The following TMEM260 variants were observed in gnomAD, a reference collection of about 807,000 sequenced individuals.
TMEM260 encodes the protein protein O-mannosyl-transferase TMEM260.
In TMEM260, 82 loss-of-function variants were observed where a neutral mutation model predicts 88.9. The ratio of observed to expected loss-of-function variants is 0.92; its 90% CI spans 0.77 to 1.11. The LOEUF is 1.11. Among genes scored for constraint, TMEM260 ranks in the 50% least tolerant of loss-of-function variants. TMEM260 has a pLI of 0.00. For missense variants in TMEM260, 902 were observed against 853.4 expected (o/e 1.06, Z -0.71); for synonymous variants, 314 against 309.3 (o/e 1.02, Z -0.16).
rs938882510 is a variant in TMEM260, at chr14:56,579,852, A to G, written c.-63A>G. ...AGCTGCGCTCGTCTCTCGGCTGGGG[A>G]GCTCCGTGTCGCACCGGGTTCTTGG... On this transcript the variant is annotated 5_prime_UTR_variant, in exon 1 of 16. Transcript: ENST00000261556. 66 of 1,218,246 alleles carry G rather than the reference A, an allele frequency of 5.4e-5. No homozygotes were observed. Among genetic ancestry groups the G allele is most frequent in the South Asian group, 8.3e-5 (2 of 24,038 alleles). The allele number at this position is 1,218,246 out of a possible 1,614,324, so 75.5% of individuals were successfully genotyped here. A position where few individuals can be genotyped will look rare whatever the true frequency, so the allele number is the denominator to read the frequency against.
chr14:56,644,748 A>C (rs1314850410), intron 15 of TMEM260, among the ~76,000 whole-genome samples: 3 of 152,130 alleles, frequency 2.0e-5, no homozygotes, highest in Non-Finnish European at 2.9e-5. Flanking sequence ...TTTGCAACTT[A>C]CTCGACAAAG....
intron 3 of TMEM260, among the ~76,000 whole-genome samples, chr14:56,600,870 C>A (rs1465804943): frequency 1.3e-5 from 2 of 152,156 alleles, no homozygotes; most frequent in Non-Finnish European, 2.9e-5. Context: ...ATTTCCATTA[C>A]TGGTTTCATA....
At chr14:56,615,784 T>G (rs559776165) in intron 7 of TMEM260, 160 bp from the exon 8 acceptor site, 49 of 584,624 alleles carry the variant, frequency 8.4e-5, no homozygotes, top group Admixed American at 2.4e-4. Flanking sequence ...AGTCTTTCTA[T>G]TGCACTTTTT....
rs1352007164 is a variant in TMEM260, at chr14:56,609,113, C to A, written c.644C>A (p.Ser215Tyr). The change falls in exon 6 of 16, where the codon TCC becomes TAC. Residue 215 changes from serine to tyrosine, a missense_variant. Ser to Tyr is a moderately radical substitution (Grantham distance 144). Transcript: ENST00000261556. ...LFQLLKKKEL[S>Y]LGSLLKLSLY... ...CAATGTGCTCTGATGCAGGAACTCT[C>A]CCTGGGCTCTTTGTTGAAGTTGAGC... 1.2e-6 allele frequency: 2 copies of A among 1,613,944 alleles called. No homozygotes were observed. The highest frequency in any genetic ancestry group is 1.3e-5 in the African/African-American group (1 of 74,928).
chr14:56,591,049 T>C (rs1286366210), intron 3 of TMEM260, among the ~76,000 whole-genome samples: 1 of 152,264 alleles, frequency 6.6e-6, no homozygotes, highest in African/African-American at 2.4e-5. Context: ...GCTACTGTGC[T>C]GCATAATTTC....
At chr14:56,650,931 C>A (rs1047442147), downstream of TMEM260, among the ~76,000 whole-genome samples, 19 of 152,118 alleles carry the variant, frequency 1.2e-4, no homozygotes, top group African/African-American at 4.3e-4. Flanking sequence ...ATAAATGCAT[C>A]AACACAGGAT....
At chr14:56,637,105 CAG>C (rs1353955356) in intron 15 of TMEM260, among the ~76,000 whole-genome samples, 3 of 152,230 alleles carry the variant, frequency 2.0e-5, no homozygotes, top group African/African-American at 7.2e-5. Flanking sequence ...ACGTTGGAAA[CAG>C]AGTCTCCTCT....
upstream of TMEM260, chr14:56,579,761 C>T (rs1157531593): frequency 1.6e-6 from 1 of 635,218 alleles, no homozygotes; most frequent in East Asian, 3.5e-5. Context: ...TCCCCGCGCT[C>T]AGGCGGAGAA....
chr14:56,644,520 C>T (rs961510890), intron 15 of TMEM260, among the ~76,000 whole-genome samples: 6 of 152,172 alleles, frequency 3.9e-5, no homozygotes, highest in African/African-American at 1.2e-4. Flanking sequence ...GGATTAAAGA[C>T]TTACATGTTA....
chr14:56,593,900 G>A (rs1886039066), intron 3 of TMEM260, among the ~76,000 whole-genome samples: 1 of 150,756 alleles, frequency 6.6e-6, no homozygotes, highest in Non-Finnish European at 1.5e-5. Flanking sequence ...TGTTAGCCAG[G>A]ATGGTCTCGA....
At chr14:56,656,254 C>CA in the TMEM260 span, among the ~76,000 whole-genome samples, 1 of 151,964 alleles carries the variant, frequency 6.6e-6, no homozygotes, top group Non-Finnish European at 1.5e-5. Context: ...CTCATCTCTA[C>CA]AAAAAATTTT....
In TMEM260 at chr14:56,579,945, G is replaced by GC. The variant is rs1423365843; in HGVS notation, c.34dup (p.Gln12ProfsTer51). On this transcript the variant is annotated frameshift_variant, in exon 1 of 16. Coordinates refer to ENST00000261556, the MANE Select transcript of TMEM260 (RefSeq NM_017799.4). LOFTEE classifies it high-confidence loss of function. ...TCCCCATGGCGACGGCAGGGGCCAG[G>GC]CCCAGGGGCGGGCAGTCCGAGTGGG... 8.1e-7 allele frequency: 1 copy of GC among 1,237,532 alleles called. No homozygotes were observed. Among genetic ancestry groups the GC allele is most frequent in the African/African-American group, 1.6e-5 (1 of 64,434 alleles). The allele number at this position is 1,237,532 out of a possible 1,614,324, so 76.7% of individuals were successfully genotyped here.
chr14:56,636,089 T>C (rs1889040202), intron 14 of TMEM260, among the ~76,000 whole-genome samples: 1 of 152,114 alleles, frequency 6.6e-6, no homozygotes, highest in Non-Finnish European at 1.5e-5. Flanking sequence ...TGAATACAAC[T>C]TGGATGAGTT....
intron 13 of TMEM260, among the ~76,000 whole-genome samples, chr14:56,634,643 A>G: frequency 6.6e-6 from 1 of 152,130 alleles, no homozygotes; most frequent in East Asian, 1.9e-4. Flanking sequence ...GGAGTTTGAA[A>G]CCAGCCTAGC....
intron 6 of TMEM260, among the ~76,000 whole-genome samples, chr14:56,611,936 A>T (rs1887304691): frequency 1.3e-5 from 2 of 152,214 alleles, no homozygotes; most frequent in South Asian, 4.1e-4. Flanking sequence ...CTCATTTATA[A>T]GTGGGAGCTA....
chr14:56,653,304 T>C (rs1188924992), downstream of TMEM260, among the ~76,000 whole-genome samples: 1 of 152,190 alleles, frequency 6.6e-6, no homozygotes, highest in East Asian at 1.9e-4. Flanking sequence ...TGTATGCACA[T>C]ATGCATGTGT....
In TMEM260 at chr14:56,611,887, C is replaced by T. The variant is rs573451478; in HGVS notation, c.817-358C>T. Among the ~76,000 whole-genome samples the T allele has an allele frequency of 3.8e-4, 58 of 151,990 alleles. 1 individual carries two copies. The South Asian group carries it at 7.7e-3, about 20-fold the overall frequency. On this transcript the variant is annotated intron_variant, in intron 6 of 15. Transcript: ENST00000261556. The stretch of plus-strand genomic sequence containing the variant: ...AAAAAGAATGAGTTAATGTCCTAAG[C>T]GAACTAATGCAGGAGCAGAAAACCA...
intron 12 of TMEM260, among the ~76,000 whole-genome samples, chr14:56,630,685 C>A (rs1169502354): frequency 1.3e-5 from 2 of 152,114 alleles, no homozygotes; most frequent in Non-Finnish European, 2.9e-5. Context: ...TTAGAATAGA[C>A]ATCTATTGAT....
At chr14:56,653,227 A>G (rs28507054), downstream of TMEM260, among the ~76,000 whole-genome samples, 6,216 of 152,178 alleles carry the variant, frequency 0.041, 206 homozygotes, top group Middle Eastern at 0.13. Flanking sequence ...ATAAAAAAAT[A>G]CCACAATGCA....
Sources: allele counts gnomAD v4.1 joint callset (sites outside exome capture counted in the v4.1 genomes callset), GRCh38; gene constraint gnomAD v4.1.1; transcripts MANE v1.5; gene names NCBI Gene and HGNC (gene_info 2026-07-23, HGNC 2026-07-21).